PRKDC: variants seen among roughly 807,000 people sequenced by gnomAD.
The protein encoded by PRKDC is protein kinase, DNA-activated, catalytic subunit, also known as DNA-dependent protein kinase catalytic subunit.
PRKDC carries 82 observed loss-of-function variants against 486.9 expected under a neutral mutation model. The observed-to-expected ratio is 0.17, with a 90% CI of 0.14 to 0.20. PRKDC has a LOEUF of 0.20. Among genes scored for constraint, PRKDC ranks in the 10% least tolerant of loss-of-function variants. The pLI is 1.00. For synonymous variants in PRKDC, 1,895 were observed against 1,837.0 expected, an observed-to-expected ratio of 1.03 and a Z score of -0.81; for missense variants, 4,504 against 5,038.2, an observed-to-expected ratio of 0.89 and a Z score of 3.21.
intron 40 of PRKDC, among the ~76,000 whole-genome samples, chr8:47,875,583 T>C (rs2089074870): frequency 6.6e-6 from 1 of 152,236 alleles, no homozygotes; most frequent in Non-Finnish European, 1.5e-5. Flanking sequence ...ACCTATTTAG[T>C]TGCATCACAT....
At chr8:47,787,743 C>A (rs1230549985) in intron 76 of PRKDC, among the ~76,000 whole-genome samples, 1 of 152,156 alleles carries the variant, frequency 6.6e-6, no homozygotes, top group African/African-American at 2.4e-5. Flanking sequence ...AATTCCGACA[C>A]AACGTGCACA....
chr8:47,937,104 A>AG (rs1396467759), intron 11 of PRKDC, among the ~76,000 whole-genome samples: 1 of 150,298 alleles, frequency 6.7e-6, no homozygotes, highest in African/African-American at 2.4e-5. Flanking sequence ...AAAAAAAAAA[A>AG]AAAAAAATTG....
intron 28 of PRKDC, 43 bp from the exon 29 acceptor site, chr8:47,898,612 T>C (rs1294628677): frequency 6.1e-6 from 7 of 1,143,378 alleles, no homozygotes; most frequent in East Asian, 3.0e-5. Context: ...AAGGCATATA[T>C]AGCTGATTAT....
intron 48 of PRKDC, 125 bp from the exon 49 acceptor site, chr8:47,857,424 G>A: frequency 1.9e-6 from 2 of 1,053,862 alleles, no homozygotes; most frequent in Non-Finnish European, 2.7e-6. Flanking sequence ...CAAAAGCGAG[G>A]TAAGCACGTT....
chr8:47,816,392 AG>A (rs1164353877), intron 68 of PRKDC, among the ~76,000 whole-genome samples: 2 of 152,208 alleles, frequency 1.3e-5, no homozygotes, highest in African/African-American at 4.8e-5. Flanking sequence ...AAAGCCTTTC[AG>A]GGGACTAAAA....
intron 1 of PRKDC, 52 bp downstream of exon 1, chr8:47,959,921 A>G: frequency 6.6e-7 from 1 of 1,520,442 alleles, no homozygotes; most frequent in African/African-American, 1.4e-5. Flanking sequence ...CGGCTCCAGA[A>G]CGACTCGGGA....
intron 50 of PRKDC, among the ~76,000 whole-genome samples, chr8:47,854,583 G>A (rs1281423887): frequency 4.6e-5 from 7 of 151,928 alleles, no homozygotes; most frequent in Non-Finnish European, 7.4e-5. Context: ...CTCGTAATCC[G>A]CCCGCCTCGG....
In PRKDC at chr8:47,953,916, A is replaced by G. The variant is rs1156524135; in HGVS notation, c.512T>C (p.Leu171Ser). Residue 171 changes from leucine (L) to serine (S), a missense_variant, in exon 6 of 86, where the codon TTA (leucine) becomes TCA (serine). By Grantham distance (145) the Leu-to-Ser change is moderately radical. Transcript: ENST00000314191. ...TCCTAGGAGCTCATATACTTTTTCTAAAACTGAAAAGAAAATTTTAGACAA... is the reference window on the plus strand; with the variant it reads ...TCCTAGGAGCTCATATACTTTTTCTGAAACTGAAAAGAAAATTTTAGACAA... ...ALKKKIPDTV[L>S]EKVYELLGLL... 6.6e-7 allele frequency: 1 copy of G among 1,519,602 alleles called. No homozygotes were observed. Among genetic ancestry groups the G allele is most frequent in the Non-Finnish European group, 8.9e-7 (1 of 1,127,360 alleles). The allele number at this position is 1,519,602 out of a possible 1,614,324, so 94.1% of individuals were successfully genotyped here. A position where few individuals can be genotyped will look rare whatever the true frequency, so the allele number is the denominator to read the frequency against.
chr8:47,930,142 G>C lies in PRKDC; in HGVS notation c.1893-130C>G, dbSNP rs1288680190. 2.6e-5 allele frequency: 19 copies of C among 744,758 alleles called. No individual in the cohort carries two copies. In the Admixed American group the frequency reaches 6.3e-4, roughly 25 times the overall value. 46.1% of individuals were successfully genotyped at this position (744,758 alleles called of 1,614,324 possible). A position where few individuals can be genotyped will look rare whatever the true frequency, so the allele number is the denominator to read the frequency against. ...ATTTTGAGGTATCCTAAAATGTTTA[G>C]TTATATCTATAATCCATTTTTCTCT... On this transcript the variant is annotated intron_variant, in intron 17 of 85. Transcript: ENST00000314191.
At position 47,954,465 on chromosome 8, in the gene PRKDC, G is replaced by T; in HGVS notation, c.400-19C>A. On this transcript the variant is annotated intron_variant, in intron 4 of 85. Coordinates refer to ENST00000314191, the MANE Select transcript of PRKDC (RefSeq NM_006904.7). ...GAAGTAACTAAAAGAATACAAATTA[G>T]TACATCAATGTAGTGCGGGAATCAA... 3 of 998,178 alleles carry T rather than the reference G, an allele frequency of 3.0e-6. No homozygotes were observed. Among genetic ancestry groups the T allele is most frequent in the Admixed American group, 3.1e-5 (1 of 32,258 alleles). 61.8% of individuals were successfully genotyped at this position (998,178 alleles called of 1,614,324 possible).
Position 47,859,617 on chromosome 8 carries a change from C to G in PRKDC, c.6201G>C (p.Arg2067=). Residue 2067 remains arginine, a synonymous_variant, in exon 46 of 86, where the codon CGG becomes CGC. Transcript: ENST00000314191. The stretch of plus-strand genomic sequence containing the variant: ...GTATGTGAAATGTGATCACCCGTCT[C>G]CGAAAACGACCAGTGGCAGGTCTAG... ...QDPRPATGRF[R]RREQRDPTVH... The G allele has an allele frequency of 6.2e-7, 1 of 1,610,674 alleles. No individual in the cohort carries two copies. The highest frequency in any genetic ancestry group is 8.5e-7 in the Non-Finnish European group (1 of 1,178,816).
chr8:47,877,484 T>A (rs1179722326), intron 40 of PRKDC, among the ~76,000 whole-genome samples: 4 of 152,196 alleles, frequency 2.6e-5, no homozygotes, highest in Non-Finnish European at 5.9e-5. Flanking sequence ...AAGGCCAAGA[T>A]GAAGCTTGGA....
At chr8:47,905,132 C>A (rs2089754666) in intron 25 of PRKDC, among the ~76,000 whole-genome samples, 156 bp from the exon 26 acceptor site, 2 of 151,948 alleles carry the variant, frequency 1.3e-5, no homozygotes, top group South Asian at 4.1e-4. Context: ...TCAAGTGGTC[C>A]CCTCCCACCT....
At chr8:47,937,715 G>GTTTC (rs908995690) in intron 11 of PRKDC, among the ~76,000 whole-genome samples, 1 of 152,192 alleles carries the variant, frequency 6.6e-6, no homozygotes, top group Non-Finnish European at 1.5e-5. Flanking sequence ...ACTGTGTAAA[G>GTTTC]GGAAAATCTC....
chr8:47,824,056 T>C (rs1254699510), intron 63 of PRKDC, 60 bp from the exon 64 acceptor site: 24 of 1,381,876 alleles, frequency 1.7e-5, no homozygotes, highest in Non-Finnish European at 2.2e-5. Flanking sequence ...AAAGTATTTA[T>C]TCTAATGAAA....
intron 54 of PRKDC, among the ~76,000 whole-genome samples, chr8:47,844,176 A>G (rs1563763402): frequency 1.3e-5 from 2 of 152,276 alleles, no homozygotes. Context: ...CAACACCCAC[A>G]GGCTCAAAGT....
At chr8:47,929,681 C>T (rs1280397159) in intron 18 of PRKDC, among the ~76,000 whole-genome samples, 172 bp downstream of exon 18, 4 of 152,138 alleles carry the variant, frequency 2.6e-5, no homozygotes, top group South Asian at 2.1e-4. Context: ...ATGCTGCTAG[C>T]TTTTTAGAGT....
At chr8:47,852,819 T>C (rs201225478) in intron 51 of PRKDC, 35 bp from the exon 52 acceptor site, 81 of 1,296,082 alleles carry the variant, frequency 6.2e-5, no homozygotes, top group Non-Finnish European at 8.5e-5. Context: ...ATGCATCAAA[T>C]AAACCATTCT....
At chr8:47,836,285 C>T in intron 58 of PRKDC, 53 bp downstream of exon 58, 1 of 1,401,160 alleles carries the variant, frequency 7.1e-7, no homozygotes, top group East Asian at 2.4e-5. Context: ...ACAGAAGCTG[C>T]CCACAGAGGT....
Sources: allele counts gnomAD v4.1 joint callset (sites outside exome capture counted in the v4.1 genomes callset), GRCh38; gene constraint gnomAD v4.1.1; transcripts MANE v1.5; gene names NCBI Gene and HGNC (gene_info 2026-07-23, HGNC 2026-07-21).